The following MSR1 variants were observed in gnomAD, a reference collection of about 807,000 sequenced individuals.
MSR1 encodes macrophage scavenger receptor 1, also known as macrophage scavenger receptor types I and II.
A neutral mutation model predicts 47.2 loss-of-function variants in MSR1; 53 were observed. The observed-to-expected ratio is 1.12, with a 90% confidence interval of 0.90 to 1.41. The LOEUF (loss-of-function observed/expected upper bound fraction) is 1.41. Among genes scored for constraint, MSR1 ranks in the 40% most tolerant of loss-of-function variants. The probability of loss-of-function intolerance (pLI) is 0.00; values close to 1 mark genes in which losing one functional copy is unlikely to be tolerated. For synonymous variants in MSR1, 239 were observed against 185.6 expected (o/e 1.29, Z -2.34); for missense variants, 786 against 546.9 (o/e 1.44, Z -4.36).
chr8:16,166,466 G>C (rs1283519482), intron 4 of MSR1, among the ~76,000 whole-genome samples: 1 of 151,712 alleles, frequency 6.6e-6, no homozygotes, highest in Admixed American at 6.6e-5. Flanking sequence ...TGGCAGCTGA[G>C]GCTGCCTTAT....
rs752428978 is a variant in MSR1, at chr8:16,112,860, T to C, written c.1223-2642A>G. On this transcript the variant is annotated intron_variant, in intron 9 of 9. Transcript: ENST00000262101. ...TCTCTCTCTCTCATCTTTCCACCTA[T>C]ATACCTAGCCATATATATATCTATG... Among the ~76,000 whole-genome samples, 11 of 151,704 alleles carry C rather than the reference T, an allele frequency of 7.3e-5. 1 individual carries two copies. The highest frequency in any genetic ancestry group is 1.5e-4 in the Non-Finnish European group (10 of 67,928).
chr8:16,160,951 A>C (rs1331336719), intron 5 of MSR1, among the ~76,000 whole-genome samples: 3 of 151,856 alleles, frequency 2.0e-5, no homozygotes, highest in African/African-American at 7.3e-5. Flanking sequence ...GGAGGATTTA[A>C]GCAAGAGAGA....
chr8:16,172,760 G>C (rs111973821), intron 3 of MSR1, among the ~76,000 whole-genome samples: 2,336 of 151,962 alleles, frequency 0.015, 69 homozygotes, highest in African/African-American at 0.053. Context: ...TATTTCAGCA[G>C]CTTCTTTAAG....
At chr8:16,150,710 TG>T (rs1354028757) in intron 6 of MSR1, among the ~76,000 whole-genome samples, 3 of 151,968 alleles carry the variant, frequency 2.0e-5, no homozygotes, top group Non-Finnish European at 2.9e-5. Flanking sequence ...TAGAAAAAAA[TG>T]CAACTCAAGC....
intron 1 of MSR1, among the ~76,000 whole-genome samples, chr8:16,178,225 G>A (rs906346620): frequency 6.6e-6 from 1 of 151,582 alleles, no homozygotes; most frequent in African/African-American, 2.4e-5. Context: ...CTAACACTAG[G>A]TATATCTCCT....
intron 8 of MSR1, chr8:16,139,773 AAATATATATATATATAT>A (rs1351853779): frequency 3.7e-5 from 1 of 27,308 alleles, no homozygotes; most frequent in Non-Finnish European, 6.2e-5. Flanking sequence ...AAAAAAAAAA[AAATATATATATATATAT>A]ATATATATAT....
intron 8 of MSR1, chr8:16,139,740 CA>C: frequency 7.1e-6 from 1 of 141,826 alleles, no homozygotes; most frequent in Non-Finnish European, 9.2e-6. Flanking sequence ...GACTACACTT[CA>C]AAACTTAAAA....
chr8:16,166,936 T>TACACACAC (rs5889636), intron 4 of MSR1, among the ~76,000 whole-genome samples: 2 of 146,972 alleles, frequency 1.4e-5, no homozygotes, highest in African/African-American at 5.0e-5. Context: ...TACACAGGAG[T>TACACACAC]ACACACACAC....
In MSR1 at chr8:16,137,644, G is replaced by A. The variant is rs546446846; in HGVS notation, c.1033+5914C>T. ...GCCACAGTTTATAATTCTAGAAATT[G>A]GGATAATAGTCCTTCACCCAAATGC... On this transcript the variant is annotated intron_variant, in intron 8 of 9. Coordinates refer to ENST00000262101, the MANE Select transcript of MSR1 (RefSeq NM_138715.3). Among the ~76,000 whole-genome samples, 13 of 152,164 alleles carry A rather than the reference G, an allele frequency of 8.5e-5. No homozygotes were observed. The South Asian group carries it at 2.7e-3, about 32-fold the overall frequency.
chr8:16,163,955 C>A (rs930555365), intron 5 of MSR1, 110 bp downstream of exon 5: 16 of 870,120 alleles, frequency 1.8e-5, no homozygotes, highest in Non-Finnish European at 2.5e-5. Flanking sequence ...TAAATGTAAG[C>A]TCAGAAACTA....
At chr8:16,150,516 T>TA (rs370597351) in intron 6 of MSR1, among the ~76,000 whole-genome samples, 187 of 152,196 alleles carry the variant, frequency 1.2e-3, no homozygotes, top group African/African-American at 4.4e-3. Flanking sequence ...CAGCACATTG[T>TA]AGCTATTCAA....
At chr8:16,190,785 G>C (rs527976587) in intron 1 of MSR1, among the ~76,000 whole-genome samples, 1 of 146,988 alleles carries the variant, frequency 6.8e-6, no homozygotes, top group African/African-American at 2.6e-5. Flanking sequence ...GCAATGGCGT[G>C]ATCTTGGCTC....
intron 1 of MSR1, among the ~76,000 whole-genome samples, chr8:16,179,287 T>C (rs1044428087): frequency 8.5e-5 from 13 of 152,326 alleles, no homozygotes; most frequent in African/African-American, 2.9e-4. Flanking sequence ...ATAATTGTTT[T>C]AATTTGCCTC....
At chr8:16,158,375 T>G (rs1369359148) in intron 5 of MSR1, among the ~76,000 whole-genome samples, 1 of 151,964 alleles carries the variant, frequency 6.6e-6, no homozygotes, top group Non-Finnish European at 1.5e-5. Context: ...ATATAATATT[T>G]GATAATCATC....
At chr8:16,115,577 T>G (rs1028975482) in intron 9 of MSR1, among the ~76,000 whole-genome samples, 7 of 152,182 alleles carry the variant, frequency 4.6e-5, no homozygotes, top group African/African-American at 1.7e-4. Context: ...GAACAAATAA[T>G]GTTGGTTCTA....
intron 9 of MSR1, among the ~76,000 whole-genome samples, chr8:16,113,347 A>AATCAGTTTC (rs1174838435): frequency 8.5e-5 from 13 of 152,158 alleles, no homozygotes; most frequent in Non-Finnish European, 1.8e-4. Flanking sequence ...AATAAAAGGT[A>AATCAGTTTC]ATCAGTTTCA....
chr8:16,123,134 G>T (rs898687637), intron 8 of MSR1, among the ~76,000 whole-genome samples: 13 of 152,014 alleles, frequency 8.6e-5, no homozygotes, highest in African/African-American at 3.1e-4. Context: ...CATAAGCCAC[G>T]GCACCCGGCC....
At chr8:16,168,414 G>A (rs927585853) in intron 4 of MSR1, 44 bp downstream of exon 4, 35 of 1,605,250 alleles carry the variant, frequency 2.2e-5, no homozygotes, top group Non-Finnish European at 2.8e-5. Context: ...AGACTTGGAT[G>A]GATTCAGTTC....
At chr8:16,148,794 G>C (rs564986387) in intron 7 of MSR1, among the ~76,000 whole-genome samples, 41 of 152,198 alleles carry the variant, frequency 2.7e-4, no homozygotes, top group African/African-American at 9.4e-4. Flanking sequence ...TCCTTCAGTA[G>C]TTGAATGGAT....
Sources: gnomAD v4.1 joint callset for allele counts (sites outside exome capture counted in the v4.1 genomes callset) on GRCh38, gnomAD v4.1.1 for gene constraint, MANE v1.5 for transcripts, NCBI Gene and HGNC (gene_info 2026-07-23, HGNC 2026-07-21) for gene names.